ATG10: variants seen among roughly 807,000 people sequenced by gnomAD.
ATG10 encodes autophagy related 10.
Under a neutral mutation model 32.1 loss-of-function variants are expected in ATG10, and 30 were observed. The observed-to-expected ratio is 0.94, with a 90% CI of 0.70 to 1.27. The LOEUF is 1.27. Among genes scored for constraint, ATG10 ranks in the 50% most tolerant of loss-of-function variants. The pLI is 0.00. For synonymous variants in ATG10, 87 were observed against 91.5 expected, an observed-to-expected ratio of 0.95 and a Z score of 0.28; for missense variants, 233 against 262.3, an observed-to-expected ratio of 0.89 and a Z score of 0.77.
At chr5:82,191,641 G>C (rs906577176) in intron 5 of ATG10, among the ~76,000 whole-genome samples, 24 of 152,152 alleles carry the variant, frequency 1.6e-4, no homozygotes, top group Non-Finnish European at 3.1e-4. Context: ...ATACTAGGGA[G>C]CTCACGTCTT....
At chr5:82,139,976 A>T (rs1264386947) in intron 3 of ATG10, among the ~76,000 whole-genome samples, 51 of 49,766 alleles carry the variant, frequency 1.0e-3, no homozygotes, top group Admixed American at 1.4e-3. Context: ...CCGCCCCGTC[A>T]GGGAGGTGAG....
At chr5:82,102,955 C>A (rs1028679209) in intron 3 of ATG10, among the ~76,000 whole-genome samples, 15 of 152,206 alleles carry the variant, frequency 9.9e-5, no homozygotes, top group African/African-American at 3.6e-4. Flanking sequence ...CTGTGTTGAA[C>A]TGAATTGAGT....
At chr5:82,001,243 G>T (rs978521707) in intron 2 of ATG10, among the ~76,000 whole-genome samples, 1 of 152,060 alleles carries the variant, frequency 6.6e-6, no homozygotes, top group Non-Finnish European at 1.5e-5. Flanking sequence ...ATTCCTGTCA[G>T]TCTACTATCT....
chr5:82,252,855 ATG>A, intron 6 of ATG10, 196 bp downstream of exon 6: 1 of 531,514 alleles, frequency 1.9e-6, no homozygotes, highest in Non-Finnish European at 3.3e-6. Flanking sequence ...CAGCATTCCT[ATG>A]TGCTAAGTAC....
At chr5:82,145,201 TA>T (rs1388438623) in intron 3 of ATG10, among the ~76,000 whole-genome samples, 2 of 152,116 alleles carry the variant, frequency 1.3e-5, no homozygotes, top group Non-Finnish European at 2.9e-5. Context: ...TTCATTCTGA[TA>T]ATCTCTGCCT....
chr5:81,983,347 C>T, intron 1 of ATG10, among the ~76,000 whole-genome samples: 1 of 149,486 alleles, frequency 6.7e-6, no homozygotes, highest in East Asian at 2.0e-4. Context: ...CCTCACTTCC[C>T]AGTAGGGGCG....
intron 3 of ATG10, among the ~76,000 whole-genome samples, chr5:82,135,716 C>A (rs1212133168): frequency 6.6e-6 from 1 of 152,162 alleles, no homozygotes; most frequent in Non-Finnish European, 1.5e-5. Context: ...GTGGAGAGTT[C>A]TGTAGATGTC....
chr5:82,242,633 G>A (rs999595980), intron 5 of ATG10, among the ~76,000 whole-genome samples: 7 of 152,014 alleles, frequency 4.6e-5, no homozygotes, highest in South Asian at 4.1e-4. Flanking sequence ...ACTGATAGTC[G>A]ACTTCTACCC....
chr5:81,997,570 C>T (rs555952265), intron 2 of ATG10, among the ~76,000 whole-genome samples: 17 of 152,232 alleles, frequency 1.1e-4, no homozygotes, highest in South Asian at 6.2e-4. Context: ...ATTCAGAATA[C>T]GGATAGGAAT....
chr5:82,058,359 C>G lies in ATG10; in HGVS notation c.109-136C>G, dbSNP rs976421511. Reference sequence around the variant, plus strand: ...TACGTACAGGGTGTTGGACTAGTCTCTTTATCCATATAGTCTCATTTAGTA... The same window carrying G: ...TACGTACAGGGTGTTGGACTAGTCTGTTTATCCATATAGTCTCATTTAGTA... On this transcript the variant is annotated intron_variant, in intron 2 of 7. Transcript: ENST00000282185. The G allele has an allele frequency of 4.8e-5, 30 of 623,764 alleles. 1 individual carries two copies. Among genetic ancestry groups the G allele is most frequent in the South Asian group, 2.1e-4 (10 of 46,792 alleles). 38.6% of individuals were successfully genotyped at this position (623,764 alleles called of 1,614,324 possible). A position where few individuals can be genotyped will look rare whatever the true frequency, so the allele number is the denominator to read the frequency against.
At chr5:82,028,834 C>T (rs1325462067) in intron 2 of ATG10, among the ~76,000 whole-genome samples, 4 of 152,130 alleles carry the variant, frequency 2.6e-5, no homozygotes, top group Non-Finnish European at 5.9e-5. Flanking sequence ...AATAGAAAAT[C>T]ACCAGGACCT....
At chr5:82,102,140 T>C (rs1765295656) in intron 3 of ATG10, among the ~76,000 whole-genome samples, 1 of 152,230 alleles carries the variant, frequency 6.6e-6, no homozygotes, top group Non-Finnish European at 1.5e-5. Context: ...TCACTCAGTA[T>C]AGCTGTGACA....
intron 5 of ATG10, among the ~76,000 whole-genome samples, chr5:82,182,322 C>T (rs953583233): frequency 1.3e-5 from 2 of 152,034 alleles, no homozygotes; most frequent in African/African-American, 4.8e-5. Context: ...TTCCATATCT[C>T]ATACAGTTAG....
chr5:81,977,313 A>G (rs1179562176), intron 1 of ATG10, among the ~76,000 whole-genome samples: 1 of 152,110 alleles, frequency 6.6e-6, no homozygotes, highest in Non-Finnish European at 1.5e-5. Context: ...TTAATTCCTT[A>G]CCTACTTCCC....
At chr5:82,138,823 G>A (rs1221456897) in intron 3 of ATG10, among the ~76,000 whole-genome samples, 2 of 133,970 alleles carry the variant, frequency 1.5e-5, no homozygotes, top group Non-Finnish European at 3.1e-5. Flanking sequence ...ATCTAATGAA[G>A]ATTGAAAGTC....
chr5:81,984,002 G>A lies in ATG10; in HGVS notation c.-12-3557G>A, dbSNP rs542952970. On this transcript the variant is annotated intron_variant, in intron 1 of 7. Transcript: ENST00000282185. ...GATGGGATGGCGGCCGGGCAGAGAC[G>A]CTCCTCACTTTCCAGACGGGGTGGC... Among the ~76,000 whole-genome samples, 176 of 152,202 alleles carry A rather than the reference G, an allele frequency of 1.2e-3. 2 individuals carry two copies. Among genetic ancestry groups the A allele is most frequent in the Admixed American group, 2.3e-3 (35 of 15,284 alleles).
intron 5 of ATG10, among the ~76,000 whole-genome samples, chr5:82,230,168 CTT>C (rs1186896659): frequency 1.3e-5 from 2 of 152,036 alleles, no homozygotes; most frequent in Non-Finnish European, 2.9e-5. Context: ...TGACTAAAGT[CTT>C]TATGGAGTCT....
intron 3 of ATG10, among the ~76,000 whole-genome samples, chr5:82,125,608 C>G (rs1352993542): frequency 2.6e-5 from 4 of 152,044 alleles, no homozygotes; most frequent in Admixed American, 6.6e-5. Context: ...ATTTCTGAGG[C>G]CTCTGTTCTG....
intron 1 of ATG10, among the ~76,000 whole-genome samples, chr5:81,975,008 C>A (rs2149649298): frequency 6.6e-6 from 1 of 152,276 alleles, no homozygotes; most frequent in African/African-American, 2.4e-5. Context: ...TGGTTCCAGA[C>A]TTCCTTAGGT....
Sources: gnomAD v4.1 joint callset for allele counts (sites outside exome capture counted in the v4.1 genomes callset) on GRCh38, gnomAD v4.1.1 for gene constraint, MANE v1.5 for transcripts, NCBI Gene and HGNC (gene_info 2026-07-23, HGNC 2026-07-21) for gene names.